Variants in AKR1C3 observed in about 807,000 individuals in gnomAD.
The protein encoded by AKR1C3 is aldo-keto reductase family 1 member C3, also known as 3-alpha hydroxysteroid dehydrogenase, type II.
AKR1C3 carries 48 observed loss-of-function variants against 43.6 expected under a neutral mutation model. The observed-to-expected ratio is 1.10, with a 90% CI of 0.87 to 1.40. The LOEUF is 1.40. AKR1C3 is among the 40% of genes most tolerant of loss of function. The pLI, the probability that AKR1C3 is intolerant of heterozygous loss-of-function variation, is 0.00. For synonymous variants in AKR1C3, 162 were observed against 139.6 expected (o/e 1.16, Z -1.13); for missense variants, 482 against 391.2 (o/e 1.23, Z -1.96).
chr10:5,096,393 T>G lies in AKR1C3; in HGVS notation c.85-17T>G. On this transcript the variant is annotated splice_polypyrimidine_tract_variant and intron_variant, in intron 1 of 8. Coordinates refer to ENST00000380554, the MANE Select transcript of AKR1C3 (RefSeq NM_003739.6). ...GCCACAGTGATCACCAGATACTACC[T>G]TTGGTTGCTCCTCCAGGTTCCGAGA... is the stretch of plus-strand genomic sequence containing the variant. 6.2e-7 allele frequency: 1 copy of G among 1,611,076 alleles called. No individual in the cohort carries two copies. The highest frequency in any genetic ancestry group is 8.5e-7 in the Non-Finnish European group (1 of 1,178,216).
chr10:5,077,481 C>G (rs1838739144), intron 1 of AKR1C3, among the ~76,000 whole-genome samples: 1 of 152,102 alleles, frequency 6.6e-6, no homozygotes, highest in South Asian at 2.1e-4. Flanking sequence ...TCTTGACTCC[C>G]TACCCTAGCT....
chr10:5,103,572 G>A (rs1368111245), intron 7 of AKR1C3, among the ~76,000 whole-genome samples: 1 of 152,142 alleles, frequency 6.6e-6, no homozygotes, highest in Non-Finnish European at 1.5e-5. Flanking sequence ...AGATAGCTCT[G>A]CTTCAAGATG....
chr10:5,085,394 G>A (rs1838939604), intron 1 of AKR1C3, among the ~76,000 whole-genome samples: 2 of 152,006 alleles, frequency 1.3e-5, no homozygotes, highest in Non-Finnish European at 2.9e-5. Flanking sequence ...ATTTGCATAT[G>A]TTGAACCAAC....
rs187550250 is a variant in AKR1C3, at chr10:5,082,544, T to A, written c.85-13866T>A. 9.7e-4 allele frequency among the ~76,000 whole-genome samples: 143 copies of A among 146,812 alleles called. 2 individuals are homozygous for A. The Middle Eastern group carries it at 0.01, about 11-fold the overall frequency. ...AACTCGGCATCTGTTGGGATGATCATTTTTTTTTTGCTTTTAAGTATGTTT... is the reference window on the plus strand; with the variant it reads ...AACTCGGCATCTGTTGGGATGATCAATTTTTTTTTGCTTTTAAGTATGTTT... On this transcript the variant is annotated intron_variant, in intron 1 of 8. Transcript: ENST00000439082.
At chr10:5,103,526 C>T (rs1165835447) in intron 7 of AKR1C3, among the ~76,000 whole-genome samples, 5 of 152,162 alleles carry the variant, frequency 3.3e-5, no homozygotes, top group African/African-American at 1.2e-4. Context: ...AAGTTCTGTT[C>T]TTGGCTGGGC....
At chr10:5,086,034 T>C (rs80053647) in intron 1 of AKR1C3, among the ~76,000 whole-genome samples, 1 of 151,690 alleles carries the variant, frequency 6.6e-6, no homozygotes, top group African/African-American at 2.4e-5. Flanking sequence ...CAGCTCCTGG[T>C]TTCATTAATT....
At chr10:5,065,603 T>G (rs12570598) in intron 1 of AKR1C3, among the ~76,000 whole-genome samples, 31,095 of 152,126 alleles carry the variant, frequency 0.2, 3,253 homozygotes, top group East Asian at 0.39. Flanking sequence ...CACTTCACAG[T>G]GTGGTAATGG....
chr10:5,080,625 T>TCAAACAAACAAA (rs59461346), intron 1 of AKR1C3: 64 of 151,826 alleles, frequency 4.2e-4, no homozygotes, highest in African/African-American at 1.3e-3. Context: ...AGACTCCGTC[T>TCAAACAAACAAA]CAAACAAACA....
chr10:5,068,891 G>A (rs1384979242), intron 1 of AKR1C3, among the ~76,000 whole-genome samples: 1 of 152,222 alleles, frequency 6.6e-6, no homozygotes, highest in Non-Finnish European at 1.5e-5. Context: ...AAACACCAAA[G>A]AAGCAGTTTA....
intron 1 of AKR1C3, among the ~76,000 whole-genome samples, chr10:5,050,944 C>T (rs1057357216): frequency 7.2e-5 from 11 of 152,186 alleles, no homozygotes; most frequent in African/African-American, 2.7e-4. Flanking sequence ...TAGTGATGAG[C>T]GTATAACTTG....
chr10:5,097,810 A>C, intron 3 of AKR1C3: 2 of 1,216,086 alleles, frequency 1.6e-6, no homozygotes, highest in South Asian at 3.4e-5. Flanking sequence ...GTCTCTTTCA[A>C]GGCACTGTCT....
upstream of AKR1C3, chr10:5,094,174 GAAAAT>G (rs1312481175): frequency 4.5e-6 from 1 of 224,478 alleles, no homozygotes. Context: ...ATTTAGAATA[GAAAAT>G]AATACTTTAG....
At chr10:5,094,170 A>T (rs1588352565), upstream of AKR1C3, 1 of 224,180 alleles carries the variant, frequency 4.5e-6, no homozygotes, top group East Asian at 1.3e-4. Context: ...AGAGATTTAG[A>T]ATAGAAAATA....
chr10:5,071,920 T>A (rs1554781363), intron 1 of AKR1C3, among the ~76,000 whole-genome samples: 1 of 152,258 alleles, frequency 6.6e-6, no homozygotes, highest in East Asian at 1.9e-4. Context: ...TGAGTCATCT[T>A]GCATAGATCA....
At chr10:5,074,864 C>T (rs550703700) in intron 1 of AKR1C3, among the ~76,000 whole-genome samples, 3 of 152,174 alleles carry the variant, frequency 2.0e-5, no homozygotes, top group African/African-American at 7.2e-5. Flanking sequence ...TCCGATTGTT[C>T]ACCTACCCCA....
chr10:5,083,746 CCTGA>C (rs1161382857), intron 1 of AKR1C3, among the ~76,000 whole-genome samples: 2 of 152,126 alleles, frequency 1.3e-5, no homozygotes, highest in Non-Finnish European at 2.9e-5. Flanking sequence ...CCTGTTGTTT[CCTGA>C]CTGTTTAATG....
chr10:5,051,286 G>A (rs1174791551), intron 1 of AKR1C3, among the ~76,000 whole-genome samples: 4 of 152,072 alleles, frequency 2.6e-5, no homozygotes, highest in Admixed American at 1.3e-4. Flanking sequence ...TAGTAGAGAC[G>A]GGGTTCCACC....
chr10:5,089,629 T>C (rs1839043659), upstream of AKR1C3, among the ~76,000 whole-genome samples: 1 of 152,096 alleles, frequency 6.6e-6, no homozygotes, highest in Non-Finnish European at 1.5e-5. Context: ...TCTTTTTTTC[T>C]TTCCTTGATT....
chr10:5,050,876 A>C (rs909234429), intron 1 of AKR1C3, among the ~76,000 whole-genome samples: 3 of 152,218 alleles, frequency 2.0e-5, no homozygotes, highest in Non-Finnish European at 4.4e-5. Context: ...GTAATAAATA[A>C]AGTAATAAAA....
Sources: allele counts gnomAD v4.1 joint callset (sites outside exome capture counted in the v4.1 genomes callset), GRCh38; gene constraint gnomAD v4.1.1; transcripts MANE v1.5; gene names NCBI Gene and HGNC (gene_info 2026-07-23, HGNC 2026-07-21).